AGBL1: variants seen among roughly 807,000 people sequenced by gnomAD.
The protein encoded by AGBL1 is cytosolic carboxypeptidase 4.
A neutral mutation model predicts 118.9 loss-of-function variants in AGBL1; 130 were observed. That is an observed-to-expected ratio of 1.09 (90% CI 0.95 to 1.26). The LOEUF (loss-of-function observed/expected upper bound fraction) is 1.26, where lower values mean the gene tolerates loss of function less well. Ranked by LOEUF, AGBL1 falls within the 50% of genes most tolerant of loss-of-function variation. AGBL1 has a pLI of 0.00. For missense variants in AGBL1, 1,584 were observed against 1,298.1 expected (o/e 1.22, Z -3.38); for synonymous variants, 555 against 478.9 (o/e 1.16, Z -2.08).
chr15:86,588,072 T>A (rs1211866693), intron 21 of AGBL1, among the ~76,000 whole-genome samples: 2 of 152,240 alleles, frequency 1.3e-5, no homozygotes, highest in Non-Finnish European at 2.9e-5. Flanking sequence ...TAAACTTATG[T>A]AAAGGTATAA....
At chr15:86,108,733 C>T (rs374872917) in intron 1 of AGBL1, among the ~76,000 whole-genome samples, 10 of 152,180 alleles carry the variant, frequency 6.6e-5, no homozygotes, top group East Asian at 1.9e-4. Flanking sequence ...CCGAGACGGG[C>T]GGATCACGAG....
chr15:86,087,799 A>G (rs1567045708), intron 1 of AGBL1, among the ~76,000 whole-genome samples: 1 of 152,258 alleles, frequency 6.6e-6, no homozygotes, highest in African/African-American at 2.4e-5. Context: ...TGCCCTCACC[A>G]GGTGCATTAA....
chr15:86,207,946 G>A (rs190301858), intron 5 of AGBL1, among the ~76,000 whole-genome samples: 81 of 152,230 alleles, frequency 5.3e-4, no homozygotes, highest in African/African-American at 1.9e-3. Flanking sequence ...TATTGGCTGA[G>A]GGTTTGTCAT....
intron 5 of AGBL1, among the ~76,000 whole-genome samples, chr15:86,209,157 A>G (rs1597555006): frequency 6.6e-6 from 1 of 152,076 alleles, no homozygotes; most frequent in Admixed American, 6.6e-5. Context: ...GAGTTTTAAT[A>G]TGATTGCACT....
intron 18 of AGBL1, among the ~76,000 whole-genome samples, chr15:86,410,839 T>TATATATATATATATATAA (rs1311325970): frequency 6.5e-4 from 44 of 68,130 alleles, no homozygotes; most frequent in East Asian, 4.2e-3. Context: ...TATATATATA[T>TATATATATATATATATAA]ATAATATACT....
At position 86,208,407 on chromosome 15, in the gene AGBL1, C is replaced by T. The variant is rs2078031617; in HGVS notation, c.489-16507C>T. On this transcript the variant is annotated intron_variant, in intron 5 of 22. Coordinates refer to ENST00000614907, the MANE Select transcript of AGBL1 (RefSeq NM_001386094.1). ...TTCAGAATGAATGATACCAGCTCCT[C>T]TTTGTACCTCTGGTAGAATTTGGCT... 3.3e-5 allele frequency among the ~76,000 whole-genome samples: 5 copies of T among 152,174 alleles called. No homozygotes were observed. In the South Asian group the frequency reaches 1.0e-3, roughly 32 times the overall value.
chr15:86,962,225 C>A (rs997234003), intron 23 of AGBL1, among the ~76,000 whole-genome samples: 2 of 151,974 alleles, frequency 1.3e-5, no homozygotes, highest in African/African-American at 4.8e-5. Flanking sequence ...TAAGCCTCAG[C>A]AAAATTGAAA....
chr15:86,526,544 G>GTGTGTATATATATATATATA (rs754816154), intron 19 of AGBL1, among the ~76,000 whole-genome samples: 44 of 119,428 alleles, frequency 3.7e-4, no homozygotes, highest in East Asian at 1.9e-3. Flanking sequence ...TTGTGTCTGT[G>GTGTGTATATATATATATATA]TATATATATA....
At chr15:86,573,635 G>A (rs1361607487) in intron 21 of AGBL1, among the ~76,000 whole-genome samples, 1 of 152,076 alleles carries the variant, frequency 6.6e-6, no homozygotes, top group African/African-American at 2.4e-5. Flanking sequence ...TGCATGCTAG[G>A]GTATGCATCC....
intron 4 of AGBL1, among the ~76,000 whole-genome samples, chr15:86,158,496 T>A (rs2077222894): frequency 6.6e-6 from 1 of 152,170 alleles, no homozygotes; most frequent in South Asian, 2.1e-4. Context: ...CTACCTAAAG[T>A]GATCTAAGTG....
intron 21 of AGBL1, among the ~76,000 whole-genome samples, chr15:86,616,553 C>A (rs2084729293): frequency 6.6e-6 from 1 of 152,084 alleles, no homozygotes; most frequent in African/African-American, 2.4e-5. Flanking sequence ...AACTAGACAC[C>A]TCTTGTCTGA....
intron 17 of AGBL1, among the ~76,000 whole-genome samples, chr15:86,391,007 A>C (rs1480675364): frequency 1.4e-5 from 2 of 147,522 alleles, no homozygotes; most frequent in Non-Finnish European, 3.0e-5. Context: ...AAAACGAAGC[A>C]CTATGGTGAT....
At chr15:86,954,452 A>G (rs759795242) in intron 23 of AGBL1, among the ~76,000 whole-genome samples, 4 of 152,218 alleles carry the variant, frequency 2.6e-5, no homozygotes, top group African/African-American at 9.6e-5. Flanking sequence ...CATATACACC[A>G]TGGAACACTG....
At chr15:86,089,450 C>G (rs930276023) in intron 1 of AGBL1, among the ~76,000 whole-genome samples, 2 of 152,076 alleles carry the variant, frequency 1.3e-5, no homozygotes, top group African/African-American at 4.8e-5. Flanking sequence ...TCTAGAGGCT[C>G]AAGAGAGCCA....
chr15:86,235,505 C>T lies in AGBL1; in HGVS notation c.526+10554C>T, dbSNP rs539428267. Among the ~76,000 whole-genome samples, 4 of 152,242 alleles carry T rather than the reference C, an allele frequency of 2.6e-5. No homozygotes were observed. In the East Asian group the frequency reaches 7.7e-4, roughly 29 times the overall value. ...CTATGGATTGACAAAGATAAATTATCACAAAGATTTAAGGAGATAGAGAAA... is the reference window on the plus strand; with the variant it reads ...CTATGGATTGACAAAGATAAATTATTACAAAGATTTAAGGAGATAGAGAAA... On this transcript the variant is annotated intron_variant, in intron 6 of 22. Coordinates refer to ENST00000614907, the MANE Select transcript of AGBL1 (RefSeq NM_001386094.1).
At chr15:86,505,232 C>T (rs1460273258) in intron 18 of AGBL1, among the ~76,000 whole-genome samples, 2 of 151,688 alleles carry the variant, frequency 1.3e-5, no homozygotes, top group East Asian at 3.9e-4. Flanking sequence ...TAGGTGTGGA[C>T]CCTGAGTTTA....
In AGBL1 at chr15:86,716,411, T is replaced by C. The variant is rs141884231; in HGVS notation, c.3158+41975T>C. ...TTTTAACATCTCTCCCAGGATCAGGTAGGGTACATGTCACTTCCATTTCAT... is the reference window on the plus strand; with the variant it reads ...TTTTAACATCTCTCCCAGGATCAGGCAGGGTACATGTCACTTCCATTTCAT... On this transcript the variant is annotated intron_variant, in intron 22 of 22. Transcript: ENST00000614907. 2.7e-3 allele frequency among the ~76,000 whole-genome samples: 408 copies of C among 152,220 alleles called. 1 individual carries two copies. Among genetic ancestry groups the C allele is most frequent in the African/African-American group, 9.2e-3 (384 of 41,530 alleles).
At chr15:86,494,816 C>G (rs1200094455) in intron 18 of AGBL1, among the ~76,000 whole-genome samples, 1 of 152,046 alleles carries the variant, frequency 6.6e-6, no homozygotes, top group Admixed American at 6.6e-5. Flanking sequence ...GCCATTATTA[C>G]TCATGTGTTT....
intron 18 of AGBL1, among the ~76,000 whole-genome samples, chr15:86,404,099 T>C (rs2081488291): frequency 1.3e-5 from 2 of 152,162 alleles, no homozygotes; most frequent in South Asian, 2.1e-4. Context: ...GAGATATAAA[T>C]AGAGTCTTAG....
Sources: gnomAD v4.1 joint callset for allele counts (sites outside exome capture counted in the v4.1 genomes callset) on GRCh38, gnomAD v4.1.1 for gene constraint, MANE v1.5 for transcripts, NCBI Gene and HGNC (gene_info 2026-07-23, HGNC 2026-07-21) for gene names.